Variants in RCAN2 observed in about 807,000 individuals in gnomAD.
RCAN2 encodes the protein calcipressin-2.
A neutral mutation model predicts 23.6 loss-of-function variants in RCAN2; 9 were observed. The observed-to-expected ratio is 0.38, with a 90% confidence interval of 0.23 to 0.67. RCAN2 has a LOEUF of 0.67. Ranked by LOEUF, RCAN2 falls within the 30% of genes least tolerant of loss-of-function variation. The pLI, the probability that RCAN2 is intolerant of heterozygous loss-of-function variation, is 0.51. For missense variants in RCAN2, 273 were observed against 302.3 expected (o/e 0.90, Z 0.72); for synonymous variants, 109 against 115.7 (o/e 0.94, Z 0.37).
At chr6:46,293,300 T>G (rs889851065) in intron 2 of RCAN2, among the ~76,000 whole-genome samples, 2 of 152,224 alleles carry the variant, frequency 1.3e-5, no homozygotes, top group Non-Finnish European at 2.9e-5. Context: ...AACTACATGC[T>G]ATGATAACTG....
At chr6:46,418,552 A>G (rs1766775247) in intron 2 of RCAN2, among the ~76,000 whole-genome samples, 1 of 151,838 alleles carries the variant, frequency 6.6e-6, no homozygotes, top group Admixed American at 6.6e-5. Flanking sequence ...CCCCAGACCC[A>G]CTGACCCACA....
At chr6:46,255,552 C>T (rs1766879641) in intron 2 of RCAN2, among the ~76,000 whole-genome samples, 1 of 152,058 alleles carries the variant, frequency 6.6e-6, no homozygotes, top group Non-Finnish European at 1.5e-5. Context: ...GTGTCAGATG[C>T]CCTTAGGGTC....
chr6:46,459,464 C>A (rs1017611517), intron 1 of RCAN2, among the ~76,000 whole-genome samples: 1 of 152,132 alleles, frequency 6.6e-6, no homozygotes, highest in Non-Finnish European at 1.5e-5. Flanking sequence ...ACTCAAATAG[C>A]CTTAATTTCT....
At chr6:46,362,820 T>C (rs1765055733) in intron 2 of RCAN2, among the ~76,000 whole-genome samples, 1 of 152,164 alleles carries the variant, frequency 6.6e-6, no homozygotes, top group South Asian at 2.1e-4. Context: ...TATCCAGGCA[T>C]CCTAGGCTCC....
At chr6:46,287,824 A>G (rs1424606538) in intron 2 of RCAN2, among the ~76,000 whole-genome samples, 1 of 152,202 alleles carries the variant, frequency 6.6e-6, no homozygotes, top group Non-Finnish European at 1.5e-5. Context: ...CTGTGAGCAA[A>G]TAGCTGTTCT....
chr6:46,402,588 A>G (rs1766280906), intron 2 of RCAN2, among the ~76,000 whole-genome samples: 1 of 152,198 alleles, frequency 6.6e-6, no homozygotes, highest in Non-Finnish European at 1.5e-5. Context: ...GTAGGTCATA[A>G]GACCCCCATT....
intron 1 of RCAN2, among the ~76,000 whole-genome samples, chr6:46,461,097 AAT>A (rs1402645609): frequency 6.6e-6 from 1 of 152,202 alleles, no homozygotes; most frequent in Non-Finnish European, 1.5e-5. Flanking sequence ...TAAAGAAGAA[AAT>A]AAAAGTAAAC....
At position 46,246,871 on chromosome 6, in the gene RCAN2, G is replaced by T. The variant is rs1371820068; in HGVS notation, c.448C>A (p.Gln150Lys). ...GAGATGAGAAACTGTTTGGCAGGCT[G>T]GGGTGGAGCCAAGTGCAGTTTGTCT... ...DGDKLHLAPPQPAKQFLISPP... is the reference protein window; with the variant it reads ...DGDKLHLAPPKPAKQFLISPP... The change falls in exon 4 of 5, where the codon CAG (glutamine) becomes AAG (lysine). Residue 150 changes from glutamine (Q) to lysine (K), a missense_variant. By Grantham distance (53) the Gln-to-Lys change is moderately conservative. Coordinates refer to ENST00000371374, the MANE Select transcript of RCAN2 (RefSeq NM_001251974.2). 6.2e-7 allele frequency: 1 copy of T among 1,606,774 alleles called. No individual in the cohort carries two copies. Among genetic ancestry groups the T allele is most frequent in the East Asian group, 2.2e-5 (1 of 44,650 alleles).
intron 2 of RCAN2, among the ~76,000 whole-genome samples, chr6:46,445,372 G>A (rs1258420928): frequency 6.6e-6 from 1 of 152,208 alleles, no homozygotes; most frequent in African/African-American, 2.4e-5. Flanking sequence ...AAGGACTCAA[G>A]CAGCAAGTTC....
At chr6:46,340,167 G>T (rs1764266535) in intron 2 of RCAN2, among the ~76,000 whole-genome samples, 1 of 152,100 alleles carries the variant, frequency 6.6e-6, no homozygotes, top group African/African-American at 2.4e-5. Context: ...TACCCTAGTT[G>T]CAGCTCCACT....
chr6:46,427,566 A>G (rs938617701), intron 2 of RCAN2, among the ~76,000 whole-genome samples: 3 of 152,360 alleles, frequency 2.0e-5, no homozygotes, highest in Middle Eastern at 3.4e-3. Flanking sequence ...GCATAACAAG[A>G]CTGGGTAAAA....
chr6:46,334,424 G>A (rs1455007728), intron 2 of RCAN2, among the ~76,000 whole-genome samples: 1 of 152,162 alleles, frequency 6.6e-6, no homozygotes, highest in African/African-American at 2.4e-5. Flanking sequence ...CTTTTGCTTG[G>A]AAAGCCAGCA....
chr6:46,268,297 C>G (rs1390701787), intron 2 of RCAN2, among the ~76,000 whole-genome samples: 1 of 152,168 alleles, frequency 6.6e-6, no homozygotes, highest in Non-Finnish European at 1.5e-5. Flanking sequence ...ATTGGTAACT[C>G]CACAAAATTG....
At chr6:46,388,546 C>A (rs756401751) in intron 2 of RCAN2, among the ~76,000 whole-genome samples, 2 of 152,132 alleles carry the variant, frequency 1.3e-5, no homozygotes, top group African/African-American at 2.4e-5. Context: ...ATGCAATCAA[C>A]CTTAATGTCC....
At chr6:46,329,907 A>G (rs1177358509) in intron 2 of RCAN2, among the ~76,000 whole-genome samples, 1 of 152,204 alleles carries the variant, frequency 6.6e-6, no homozygotes, top group Non-Finnish European at 1.5e-5. Flanking sequence ...CCTCCATCTC[A>G]GCAGGAGGAG....
intron 2 of RCAN2, among the ~76,000 whole-genome samples, chr6:46,263,252 G>A (rs1227537071): frequency 1.3e-5 from 2 of 152,096 alleles, no homozygotes; most frequent in Non-Finnish European, 1.5e-5. Context: ...AGCAACAAAT[G>A]CACACTAAAC....
chr6:46,416,343 G>A (rs1766714747), intron 2 of RCAN2, among the ~76,000 whole-genome samples: 3 of 148,504 alleles, frequency 2.0e-5, no homozygotes, highest in African/African-American at 5.0e-5. Context: ...TGTAAGCAAA[G>A]AGTAAGAGGG....
chr6:46,328,559 G>A, intron 2 of RCAN2, among the ~76,000 whole-genome samples: 1 of 152,170 alleles, frequency 6.6e-6, no homozygotes, highest in South Asian at 2.1e-4. Flanking sequence ...ATTGGCTAGA[G>A]AGCCCAGGAG....
chr6:46,318,787 T>G, intron 2 of RCAN2, among the ~76,000 whole-genome samples: 1 of 152,188 alleles, frequency 6.6e-6, no homozygotes, highest in East Asian at 1.9e-4. Flanking sequence ...TATCCGTATA[T>G]ACATATATGT....
Sources: allele counts gnomAD v4.1 joint callset (sites outside exome capture counted in the v4.1 genomes callset), GRCh38; gene constraint gnomAD v4.1.1; transcripts MANE v1.5; gene names NCBI Gene and HGNC (gene_info 2026-07-23, HGNC 2026-07-21).